The following SLC27A4 variants were observed in gnomAD, a reference collection of about 807,000 sequenced individuals.
SLC27A4 encodes the protein long-chain fatty acid transport protein 4.
Under a neutral mutation model 64.4 loss-of-function variants are expected in SLC27A4, and 33 were observed. That is an observed-to-expected ratio of 0.51 (90% CI 0.39 to 0.68). SLC27A4 has a LOEUF of 0.68. Among genes scored for constraint, SLC27A4 ranks in the 30% least tolerant of loss-of-function variants. The pLI, the probability that SLC27A4 is intolerant of heterozygous loss-of-function variation, is 0.00. For synonymous variants in SLC27A4, 377 were observed against 370.0 expected, an observed-to-expected ratio of 1.02 and a Z score of -0.22; for missense variants, 824 against 883.5, an observed-to-expected ratio of 0.93 and a Z score of 0.85.
rs369193438 is a variant in SLC27A4 at position 128,350,559 on chromosome 9, C to G, written c.861C>G (p.Pro287=). The G allele has an allele frequency of 1.9e-6, 3 of 1,613,032 alleles. No homozygotes were observed. The highest frequency in any genetic ancestry group is 2.7e-5 in the African/African-American group (2 of 74,922). The change falls in exon 6 of 13, where the codon CCC becomes CCG. Residue 287 remains proline (P), a synonymous_variant. Transcript: ENST00000300456. ...RPNDIVYDCL[P]LYHSAGNIVG... ...ACGACATCGTCTATGACTGCCTCCC[C>G]CTCTACCACTCAGCAGGTAACTCTA...
Position 128,360,791 on chromosome 9 carries a change from AG to A in SLC27A4, c.*304del. 6.9e-6 allele frequency: 3 copies of A among 432,232 alleles called. No homozygotes were observed. Among genetic ancestry groups the A allele is most frequent in the South Asian group, 6.5e-5 (3 of 45,940 alleles). The allele number at this position is 432,232 out of a possible 1,614,324, so 26.8% of individuals were successfully genotyped here. A position where few individuals can be genotyped will look rare whatever the true frequency, so the allele number is the denominator to read the frequency against. On this transcript the variant is annotated 3_prime_UTR_variant, in exon 13 of 13. Transcript: ENST00000300456. Reference sequence around the variant, plus strand: ...CTTGGGTGAGGGTAGGGAGAGGACAAGGGGTCACCGAGCCCTTCCCAGAGAG... The same window carrying A: ...CTTGGGTGAGGGTAGGGAGAGGACAAGGGTCACCGAGCCCTTCCCAGAGAG...
intron 12 of SLC27A4, among the ~76,000 whole-genome samples, chr9:128,356,953 G>A (rs1254646203): frequency 6.6e-6 from 1 of 152,128 alleles, no homozygotes; most frequent in Non-Finnish European, 1.5e-5. Context: ...AATTAGCCAG[G>A]TATGGTGGTG....
chr9:128,348,473 C>A, intron 3 of SLC27A4, 72 bp from the exon 4 acceptor site: 1 of 1,587,570 alleles, frequency 6.3e-7, no homozygotes, highest in Admixed American at 1.7e-5. Context: ...ATGGCCAGCC[C>A]TGCTGGGAGC....
Position 128,353,292 on chromosome 9 carries a change from G to A in SLC27A4, c.1197+58G>A. On this transcript the variant is annotated intron_variant, in intron 8 of 12. Coordinates refer to ENST00000300456, the MANE Select transcript of SLC27A4 (RefSeq NM_005094.4). This position sits in a 1 kb window ranked among gnomAD's most constrained non-coding sequence, Gnocchi z 4.9. ...GCAGGGATGGCCCACAGAAGGCACT[G>A]GATGCAGAGGGGAGGGCAGAGTTCG... 6.2e-7 allele frequency: 1 copy of A among 1,607,796 alleles called. No homozygotes were observed. Among genetic ancestry groups the A allele is most frequent in the Non-Finnish European group, 8.5e-7 (1 of 1,175,162 alleles).
chr9:128,343,887 G>A (rs1832614817), intron 2 of SLC27A4, among the ~76,000 whole-genome samples: 3 of 152,238 alleles, frequency 2.0e-5, no homozygotes. Flanking sequence ...GAGAAAGAAA[G>A]GGACACAGCA....
In SLC27A4 at chr9:128,353,165, C is replaced by T; in HGVS notation, c.1128C>T (p.His376=). 1 of 1,614,204 alleles carries T rather than the reference C, an allele frequency of 6.2e-7. No individual in the cohort carries two copies. The highest frequency in any genetic ancestry group is 8.5e-7 in the Non-Finnish European group (1 of 1,180,050). ...SIWTNFSSRF[H]IPQVAEFYGA... ...GGACCAACTTTTCCAGCCGCTTCCA[C>T]ATACCCCAGGTGGCTGAGTTCTACG... Residue 376 remains histidine (H), a synonymous_variant, in exon 8 of 13, where the codon CAC becomes CAT. Coordinates refer to ENST00000300456, the MANE Select transcript of SLC27A4 (RefSeq NM_005094.4). This position sits in a 1 kb window ranked among gnomAD's most constrained non-coding sequence, Gnocchi z 4.9.
chr9:128,360,362 A>G lies in SLC27A4; in HGVS notation c.1803A>G (p.Leu601=). Residue 601 remains leucine (L), a synonymous_variant, in exon 13 of 13, where the codon CTA becomes CTG. Coordinates refer to ENST00000300456, the MANE Select transcript of SLC27A4 (RefSeq NM_005094.4). The part of the protein sequence containing the change: ...TGTYKFQKTE[L]RKEGFDPAIV... Reference sequence around the variant, plus strand: ...CCTACAAGTTCCAGAAGACAGAGCTACGGAAGGAGGGCTTTGACCCGGCTA... The same window carrying G: ...CCTACAAGTTCCAGAAGACAGAGCTGCGGAAGGAGGGCTTTGACCCGGCTA... The G allele has an allele frequency of 6.2e-7, 1 of 1,614,062 alleles. No homozygotes were observed. Among genetic ancestry groups the G allele is most frequent in the Non-Finnish European group, 8.5e-7 (1 of 1,180,018 alleles).
intron 12 of SLC27A4, among the ~76,000 whole-genome samples, chr9:128,356,548 C>A (rs1283566413): frequency 6.6e-6 from 1 of 152,244 alleles, no homozygotes; most frequent in Non-Finnish European, 1.5e-5. Context: ...GCCTGTAATC[C>A]CGGCACTTTG....
rs1832556966 is a variant in SLC27A4 at position 128,340,729 on chromosome 9, C to T, written c.-116C>T. On this transcript the variant is annotated 5_prime_UTR_variant, in exon 1 of 13. Transcript: ENST00000300456. ...AGGGCGCAGAGCCGGCTAAACCCTG[C>T]TGAGACCCGGCTCCGTGCGTCCAGG... The T allele has an allele frequency of 1.6e-6, 1 of 631,288 alleles. No homozygotes were observed. The highest frequency in any genetic ancestry group is 2.4e-5 in the Admixed American group (1 of 42,104). 39.1% of individuals were successfully genotyped at this position (631,288 alleles called of 1,614,324 possible).
At chr9:128,356,799 T>TA (rs1462400119) in intron 12 of SLC27A4, among the ~76,000 whole-genome samples, 1 of 127,064 alleles carries the variant, frequency 7.9e-6, no homozygotes, top group Non-Finnish European at 1.6e-5. Context: ...AACATAAAAA[T>TA]AAAAAAATTA....
At chr9:128,350,102 C>T (rs1239359666) in intron 4 of SLC27A4, among the ~76,000 whole-genome samples, 4 of 152,230 alleles carry the variant, frequency 2.6e-5, no homozygotes, top group South Asian at 2.1e-4. Context: ...TCCACCAGGG[C>T]CTAGCACAGA....
chr9:128,342,304 G>C (rs567446526), intron 1 of SLC27A4: 1 of 1,611,794 alleles, frequency 6.2e-7, no homozygotes, highest in South Asian at 1.1e-5. Flanking sequence ...AGAGATGCAA[G>C]AGAAAAATCC....
rs1207319089 is a variant in SLC27A4 at position 128,353,068 on chromosome 9, AGCCACC to A, written c.1034_1039del (p.Pro345_Pro346del). ...GAACTGTGCCGCTACCTCCTGAACC[AGCCACC>A]GCGGGAGGCAGAAAACCAGCACCAG... On this transcript the variant is annotated inframe_deletion, in exon 8 of 13. Transcript: ENST00000300456. This position sits in a 1 kb window ranked among gnomAD's most constrained non-coding sequence, Gnocchi z 4.9. 1 of 1,614,010 alleles carries A rather than the reference AGCCACC, an allele frequency of 6.2e-7. No homozygotes were observed. The highest frequency in any genetic ancestry group is 1.3e-5 in the African/African-American group (1 of 74,922).
intron 12 of SLC27A4, among the ~76,000 whole-genome samples, chr9:128,359,719 C>A (rs934406768): frequency 2.0e-5 from 3 of 152,152 alleles, no homozygotes; most frequent in Non-Finnish European, 4.4e-5. Flanking sequence ...GTAGGAGGAT[C>A]ACTTGAGGTC....
intron 6 of SLC27A4, 119 bp from the exon 7 acceptor site, chr9:128,352,519 G>A: frequency 1.3e-6 from 1 of 798,236 alleles, no homozygotes; most frequent in Non-Finnish European, 2.1e-6. Flanking sequence ...AGGCAGATGT[G>A]AGGTGCAGAA....
rs1352403421 is a variant in SLC27A4 at position 128,353,601 on chromosome 9, CGT to C, written c.1324+64_1324+65del. The C allele has an allele frequency of 4.4e-6, 7 of 1,581,104 alleles. No homozygotes were observed. The highest frequency in any genetic ancestry group is 5.2e-6 in the Non-Finnish European group (6 of 1,156,940). ...GCCTGGGAAGGAAGGAGGCCAGGCG[CGT>C]GTGGATGGGGAGCCTTGTTCTGACC... On this transcript the variant is annotated intron_variant, in intron 9 of 12. Transcript: ENST00000300456. This position sits in a 1 kb window ranked among gnomAD's most constrained non-coding sequence, Gnocchi z 4.9.
At chr9:128,357,605 C>T (rs561328687) in intron 12 of SLC27A4, among the ~76,000 whole-genome samples, 65 of 152,276 alleles carry the variant, frequency 4.3e-4, no homozygotes, top group Non-Finnish European at 7.5e-4. Flanking sequence ...GCAGCGGGCC[C>T]GCAGTCGCCC....
rs148684713 is a variant in SLC27A4 at position 128,345,400 on chromosome 9, G to A, written c.407G>A (p.Arg136His). 1.5e-4 allele frequency: 248 copies of A among 1,613,748 alleles called. 1 individual carries two copies. The East Asian group carries it at 4.2e-3, about 28-fold the overall frequency. ...GDVAAIFMEN[R>H]NEFVGLWLGM... ...GTGGCTGCCATCTTCATGGAGAACCGCAATGAGTTCGTGGGCCTATGGCTG... is the reference window on the plus strand; with the variant it reads ...GTGGCTGCCATCTTCATGGAGAACCACAATGAGTTCGTGGGCCTATGGCTG... Residue 136 changes from arginine (R) to histidine (H), a missense_variant, in exon 3 of 13, where the codon CGC becomes CAC. Arg to His is a conservative substitution (Grantham distance 29, BLOSUM62 0). Transcript: ENST00000300456. The surrounding 1 kb of genome is among the most constrained non-coding windows in gnomAD (Gnocchi z 4.1).
At chr9:128,350,985 C>T (rs1226879034) in intron 6 of SLC27A4, among the ~76,000 whole-genome samples, 13 of 151,878 alleles carry the variant, frequency 8.6e-5, no homozygotes, top group African/African-American at 1.2e-4. Context: ...CCCAGCTACT[C>T]GGGAGGGTGA....
Sources: allele counts gnomAD v4.1 joint callset (sites outside exome capture counted in the v4.1 genomes callset), GRCh38; gene constraint gnomAD v4.1.1; non-coding constraint Gnocchi (gnomAD v3.1); transcripts MANE v1.5; gene names NCBI Gene and HGNC (gene_info 2026-07-23, HGNC 2026-07-21).